Variants in PRORP observed in about 807,000 individuals in gnomAD.
The protein encoded by PRORP is mitochondrial ribonuclease P catalytic subunit.
A neutral mutation model predicts 59.4 loss-of-function variants in PRORP; 51 were observed. That is an observed-to-expected ratio of 0.86 (90% CI 0.69 to 1.08). The LOEUF (loss-of-function observed/expected upper bound fraction) is 1.08. PRORP is among the 50% of genes least tolerant of loss of function. The pLI is 0.00. For missense variants in PRORP, 646 were observed against 690.3 expected, an observed-to-expected ratio of 0.94 and a Z score of 0.72; for synonymous variants, 231 against 245.6, an observed-to-expected ratio of 0.94 and a Z score of 0.55.
chr14:35,192,320 C>A (rs1419283593), intron 5 of PRORP, among the ~76,000 whole-genome samples: 1 of 152,196 alleles, frequency 6.6e-6, no homozygotes, highest in Non-Finnish European at 1.5e-5. Context: ...CTTGATTCTT[C>A]CAAAGTAACC....
intron 5 of PRORP, among the ~76,000 whole-genome samples, chr14:35,261,888 T>G (rs1456321878): frequency 6.6e-6 from 1 of 152,320 alleles, no homozygotes; most frequent in South Asian, 2.1e-4. Flanking sequence ...TTTTTCCCTG[T>G]GTCTTTCAAT....
intron 5 of PRORP, among the ~76,000 whole-genome samples, chr14:35,256,152 CAG>C (rs1310898084): frequency 6.7e-6 from 1 of 149,928 alleles, no homozygotes; most frequent in Non-Finnish European, 1.5e-5. Context: ...GGCGTGGTGG[CAG>C]GCACCTGTAA....
At chr14:35,138,162 C>G (rs2047413130) in intron 4 of PRORP, among the ~76,000 whole-genome samples, 1 of 145,312 alleles carries the variant, frequency 6.9e-6, no homozygotes, top group African/African-American at 2.4e-5. Flanking sequence ...CTGGTGTATT[C>G]CTGGTATCAT....
At chr14:35,236,096 C>CAAAAAAAA (rs59458917) in intron 5 of PRORP, among the ~76,000 whole-genome samples, 1 of 62,440 alleles carries the variant, frequency 1.6e-5, no homozygotes, top group African/African-American at 5.7e-5. Context: ...ACCCCATCTC[C>CAAAAAAAA]AAAAAAAAAA....
Position 35,262,574 on chromosome 14 carries a change from A to G in PRORP, c.1276-4153A>G, listed in dbSNP as rs569258109. 212 of 706,308 alleles carry G rather than the reference A, an allele frequency of 3.0e-4. No individual in the cohort carries two copies. The African/African-American group carries it at 3.3e-3, about 11-fold the overall frequency. 43.8% of individuals were successfully genotyped at this position (706,308 alleles called of 1,614,324 possible). A position where few individuals can be genotyped will look rare whatever the true frequency, so the allele number is the denominator to read the frequency against. On this transcript the variant is annotated intron_variant, in intron 5 of 7. Coordinates refer to ENST00000534898, the MANE Select transcript of PRORP (RefSeq NM_014672.4). Reference sequence around the variant, plus strand: ...AGAGGAACCCTGCAGAGGGATTTCAATCACATCAGTGTAGATTCAGTCTTC... The same window carrying G: ...AGAGGAACCCTGCAGAGGGATTTCAGTCACATCAGTGTAGATTCAGTCTTC...
intron 2 of PRORP, among the ~76,000 whole-genome samples, chr14:35,126,402 G>A (rs777345535): frequency 1.3e-5 from 2 of 152,064 alleles, no homozygotes; most frequent in African/African-American, 2.4e-5. Flanking sequence ...AATTACTCTC[G>A]GCAGGAGCAA....
intron 4 of PRORP, among the ~76,000 whole-genome samples, chr14:35,156,444 T>G (rs2047915186): frequency 6.6e-6 from 1 of 150,812 alleles, no homozygotes. Context: ...GGTGTTTTAT[T>G]TTTGTTTTTG....
chr14:35,215,892 G>A (rs1218704687), intron 5 of PRORP, among the ~76,000 whole-genome samples: 1 of 151,408 alleles, frequency 6.6e-6, no homozygotes, highest in Non-Finnish European at 1.5e-5. Context: ...TCAGCCTCCT[G>A]AGTAGTTTGG....
At chr14:35,129,007 G>C (rs2138788791) in intron 4 of PRORP, among the ~76,000 whole-genome samples, 1 of 150,654 alleles carries the variant, frequency 6.6e-6, no homozygotes, top group East Asian at 1.9e-4. Context: ...GACCGGCCTG[G>C]CTAACATAGT....
intron 4 of PRORP, among the ~76,000 whole-genome samples, chr14:35,179,032 T>G (rs908707167): frequency 6.6e-6 from 1 of 152,186 alleles, no homozygotes; most frequent in African/African-American, 2.4e-5. Context: ...AATTCTGGGT[T>G]GAGAATTCTT....
intron 5 of PRORP, among the ~76,000 whole-genome samples, chr14:35,203,622 T>G (rs951194728): frequency 1.3e-5 from 2 of 152,312 alleles, no homozygotes; most frequent in Non-Finnish European, 2.9e-5. Flanking sequence ...CCCAGCACTT[T>G]GGGAGGCCGA....
intron 5 of PRORP, among the ~76,000 whole-genome samples, chr14:35,200,142 G>A (rs1054682060): frequency 2.0e-5 from 3 of 152,114 alleles, no homozygotes; most frequent in Non-Finnish European, 4.4e-5. Context: ...CAAAAGCCAC[G>A]ACAATTCCAT....
At chr14:35,265,684 G>A (rs899647884) in intron 5 of PRORP, among the ~76,000 whole-genome samples, 2 of 152,136 alleles carry the variant, frequency 1.3e-5, no homozygotes, top group Non-Finnish European at 2.9e-5. Context: ...TCACTGTCTA[G>A]TCTAATCATT....
chr14:35,187,851 T>TC, intron 5 of PRORP, among the ~76,000 whole-genome samples: 1 of 151,996 alleles, frequency 6.6e-6, no homozygotes, highest in Non-Finnish European at 1.5e-5. Flanking sequence ...TCTTTTCTTT[T>TC]TTTTTTTATT....
chr14:35,197,658 G>A (rs1019363271), intron 5 of PRORP, among the ~76,000 whole-genome samples: 2 of 152,040 alleles, frequency 1.3e-5, no homozygotes, highest in African/African-American at 4.8e-5. Context: ...GATAGTATTA[G>A]GAAGGGTATA....
At chr14:35,129,844 A>T (rs1379841081) in intron 4 of PRORP, among the ~76,000 whole-genome samples, 2 of 152,122 alleles carry the variant, frequency 1.3e-5, no homozygotes, top group Non-Finnish European at 2.9e-5. Context: ...CTATTATTTT[A>T]AGCTGATAAT....
At chr14:35,253,029 A>G (rs1360802350) in intron 5 of PRORP, among the ~76,000 whole-genome samples, 1 of 152,124 alleles carries the variant, frequency 6.6e-6, no homozygotes, top group Non-Finnish European at 1.5e-5. Context: ...TCCATCCTTA[A>G]AAAAATTGAG....
chr14:35,156,294 C>T (rs935198600), intron 4 of PRORP, among the ~76,000 whole-genome samples: 1 of 152,108 alleles, frequency 6.6e-6, no homozygotes, highest in African/African-American at 2.4e-5. Context: ...TTTGCATTTT[C>T]CTTGGTTATG....
chr14:35,183,323 T>G (rs2048665499), intron 5 of PRORP, among the ~76,000 whole-genome samples: 1 of 152,100 alleles, frequency 6.6e-6, no homozygotes, highest in South Asian at 2.1e-4. Flanking sequence ...GGACTTCTGG[T>G]TTTTGTTCAC....
Sources: gnomAD v4.1 joint callset for allele counts (sites outside exome capture counted in the v4.1 genomes callset) on GRCh38, gnomAD v4.1.1 for gene constraint, MANE v1.5 for transcripts, NCBI Gene and HGNC (gene_info 2026-07-23, HGNC 2026-07-21) for gene names.